Variants in CCDC152 observed in about 807,000 individuals in gnomAD.
CCDC152 encodes the protein coiled-coil domain containing 152.
In CCDC152, 37 loss-of-function variants were observed where a neutral mutation model predicts 38.1. The observed-to-expected ratio is 0.97, with a 90% CI of 0.75 to 1.28. The LOEUF (loss-of-function observed/expected upper bound fraction) is 1.28, where lower values mean the gene tolerates loss of function less well. Ranked by LOEUF, CCDC152 falls within the 50% of genes most tolerant of loss-of-function variation. CCDC152 has a pLI of 0.00. For missense variants in CCDC152, 259 were observed against 292.1 expected (o/e 0.89, Z 0.83); for synonymous variants, 83 against 87.1 (o/e 0.95, Z 0.26).
rs752846115 is a variant in CCDC152 at position 42,800,806 on chromosome 5, TTTGTCAGG to T, written c.*1026_*1033del. On this transcript the variant is annotated 3_prime_UTR_variant, in exon 9 of 9. Coordinates refer to ENST00000361970, the MANE Select transcript of CCDC152 (RefSeq NM_001134848.2). ...TCTGTGGGTATAAGCTGCTGACTTA[TTTGTCAGG>T]CAGCTGGAGGCAAACGTCACTGACA... 1.1e-5 allele frequency: 17 copies of T among 1,614,232 alleles called. No homozygotes were observed. The highest frequency in any genetic ancestry group is 1.4e-5 in the Non-Finnish European group (17 of 1,180,038).
chr5:42,767,096 A>G (rs1759634494), intron 3 of CCDC152, among the ~76,000 whole-genome samples: 1 of 152,118 alleles, frequency 6.6e-6, no homozygotes, highest in Admixed American at 6.5e-5. Flanking sequence ...TTCTAAATCT[A>G]ATGTCCTTTC....
In CCDC152 at chr5:42,762,463, A is replaced by T; in HGVS notation, c.108A>T (p.Gly36=). The change falls in exon 3 of 9, where the codon GGA becomes GGT. Residue 36 remains glycine (G), a synonymous_variant. Transcript: ENST00000361970. The stretch of plus-strand genomic sequence containing the variant: ...TACAGAAAATGGTAGAAACCAATGG[A>T]AAGAACAATATACTGGATATTCAGT... The part of the protein sequence containing the change: ...QIEKKMVETN[G]KNNILDIQLE... 1 of 1,516,754 alleles carries T rather than the reference A, an allele frequency of 6.6e-7. No individual in the cohort carries two copies. Among genetic ancestry groups the T allele is most frequent in the Non-Finnish European group, 8.9e-7 (1 of 1,118,078 alleles). The allele number at this position is 1,516,754 out of a possible 1,614,324, so 94.0% of individuals were successfully genotyped here. A position where few individuals can be genotyped will look rare whatever the true frequency, so the allele number is the denominator to read the frequency against.
At chr5:42,789,597 A>G (rs1223482353) in intron 6 of CCDC152, among the ~76,000 whole-genome samples, 1 of 152,214 alleles carries the variant, frequency 6.6e-6, no homozygotes, top group Non-Finnish European at 1.5e-5. Context: ...ACTTAATGTT[A>G]TCTAATGTGA....
At position 42,783,575 on chromosome 5, in the gene CCDC152, A is replaced by T; in HGVS notation, c.429A>T (p.Lys143Asn). The change falls in exon 6 of 9, where the codon AAA (lysine) becomes AAT (asparagine). Residue 143 changes from lysine (K) to asparagine (N), a missense_variant and splice_region_variant. Transcript: ENST00000361970. ...AACTTTATCAGGACATGCAGAGAAA[A>T]GGTAAGTTTAAAATAAACTTGCTTT... Reference protein sequence around the residue: ...ISKLYQDMQRKVELNEEKHKE... With the variant: ...ISKLYQDMQRNVELNEEKHKE... 7.4e-7 allele frequency: 1 copy of T among 1,345,710 alleles called. No homozygotes were observed. The highest frequency in any genetic ancestry group is 3.0e-5 in the East Asian group (1 of 33,076). The allele number at this position is 1,345,710 out of a possible 1,614,324, so 83.4% of individuals were successfully genotyped here.
intron 4 of CCDC152, among the ~76,000 whole-genome samples, chr5:42,779,098 A>G (rs188499238): frequency 1.3e-5 from 2 of 152,172 alleles, no homozygotes; most frequent in Non-Finnish European, 2.9e-5. Context: ...TAAGCCTATC[A>G]CTTAAATCTC....
At position 42,783,552 on chromosome 5, in the gene CCDC152, C is replaced by T; in HGVS notation, c.406C>T (p.Leu136Phe). ...GGGATATAAGAAAGAAATAAGCAAA[C>T]TTTATCAGGACATGCAGAGAAAAGG... is the stretch of plus-strand genomic sequence containing the variant. ...EEGYKKEISK[L>F]YQDMQRKVEL... The change falls in exon 6 of 9, where the codon CTT (leucine) becomes TTT (phenylalanine). Residue 136 changes from leucine (L) to phenylalanine (F), a missense_variant. By Grantham distance (22) the Leu-to-Phe change is conservative. Transcript: ENST00000361970. The T allele has an allele frequency of 7.2e-7, 1 of 1,388,456 alleles. No homozygotes were observed. The highest frequency in any genetic ancestry group is 9.4e-7 in the Non-Finnish European group (1 of 1,061,490). The allele number at this position is 1,388,456 out of a possible 1,614,324, so 86.0% of individuals were successfully genotyped here. A position where few individuals can be genotyped will look rare whatever the true frequency, so the allele number is the denominator to read the frequency against.
rs946707673 is a variant in CCDC152, at chr5:42,799,884, C to G, written c.*103C>G. 7.8e-7 allele frequency: 1 copy of G among 1,274,542 alleles called. No homozygotes were observed. Among genetic ancestry groups the G allele is most frequent in the African/African-American group, 1.5e-5 (1 of 65,872 alleles). 79.0% of individuals were successfully genotyped at this position (1,274,542 alleles called of 1,614,324 possible). A position where few individuals can be genotyped will look rare whatever the true frequency, so the allele number is the denominator to read the frequency against. On this transcript the variant is annotated 3_prime_UTR_variant, in exon 9 of 9. Coordinates refer to ENST00000361970, the MANE Select transcript of CCDC152 (RefSeq NM_001134848.2). ...CAGCCTACATAACAAACGAAGTCAG[C>G]TTTAAGGTTTTTATTGAATTTATTT... is the stretch of plus-strand genomic sequence containing the variant.
At chr5:42,776,397 T>A (rs1019524150) in intron 4 of CCDC152, among the ~76,000 whole-genome samples, 2 of 152,136 alleles carry the variant, frequency 1.3e-5, no homozygotes, top group African/African-American at 4.8e-5. Context: ...GACATAAAAT[T>A]GTTTTATTTA....
At chr5:42,781,319 C>T (rs768149129) in intron 5 of CCDC152, among the ~76,000 whole-genome samples, 19 of 152,010 alleles carry the variant, frequency 1.2e-4, no homozygotes, top group Non-Finnish European at 1.8e-4. Flanking sequence ...TAATTAGAAC[C>T]GAGAAGTTGA....
At chr5:42,791,007 CCT>C (rs1319263221) in intron 6 of CCDC152, among the ~76,000 whole-genome samples, 1 of 152,120 alleles carries the variant, frequency 6.6e-6, no homozygotes, top group Non-Finnish European at 1.5e-5. Context: ...TTCTTGTTGG[CCT>C]CTCTTCCTAA....
chr5:42,762,857 A>G (rs998834665), intron 3 of CCDC152, among the ~76,000 whole-genome samples: 7 of 152,204 alleles, frequency 4.6e-5, no homozygotes, highest in Non-Finnish European at 1.0e-4. Flanking sequence ...AACCATAGGG[A>G]AAAAAATTAA....
At chr5:42,779,359 G>T in intron 4 of CCDC152, 99 bp from the exon 5 acceptor site, 1 of 710,718 alleles carries the variant, frequency 1.4e-6, no homozygotes, top group Non-Finnish European at 2.5e-6. Flanking sequence ...ATGCATGTTT[G>T]TTGAATGCAT....
Position 42,799,212 on chromosome 5 carries a change from T to C in CCDC152, c.559-163T>C, listed in dbSNP as rs230815. On this transcript the variant is annotated intron_variant, in intron 7 of 8. Transcript: ENST00000361970. Reference sequence around the variant, plus strand: ...ATCTTGTTTTTCTGTTCTTTGCTCTTTCTGAAAAATTATTTCTTAAAGAAA... The same window carrying C: ...ATCTTGTTTTTCTGTTCTTTGCTCTCTCTGAAAAATTATTTCTTAAAGAAA... Among the ~76,000 whole-genome samples, 318 of 152,302 alleles carry C rather than the reference T, an allele frequency of 2.1e-3. 2 individuals carry two copies. Among genetic ancestry groups the C allele is most frequent in the African/African-American group, 7.2e-3 (301 of 41,582 alleles).
chr5:42,780,692 A>G (rs1759833234), intron 5 of CCDC152, among the ~76,000 whole-genome samples: 1 of 152,192 alleles, frequency 6.6e-6, no homozygotes, highest in Non-Finnish European at 1.5e-5. Flanking sequence ...GACAACGCAG[A>G]TTTGCTAATT....
At position 42,762,521 on chromosome 5, in the gene CCDC152, C is replaced by G. The variant is rs909911936; in HGVS notation, c.166C>G (p.Gln56Glu). 1 of 1,533,264 alleles carries G rather than the reference C, an allele frequency of 6.5e-7. No individual in the cohort carries two copies. The highest frequency in any genetic ancestry group is 8.8e-7 in the Non-Finnish European group (1 of 1,130,536). 95.0% of individuals were successfully genotyped at this position (1,533,264 alleles called of 1,614,324 possible). The part of the protein sequence containing the change: ...EKSNCLLKVM[Q>E]AKEVSIKEEC... Reference sequence around the variant, plus strand: ...AAGTAATTGCCTATTAAAAGTAATGCAAGCAAAGGAGGTCTCCATTAAAGA... The same window carrying G: ...AAGTAATTGCCTATTAAAAGTAATGGAAGCAAAGGAGGTCTCCATTAAAGA... The change falls in exon 3 of 9, where the codon CAA becomes GAA. Residue 56 changes from glutamine to glutamate, a missense_variant. Physicochemically the swap from Gln to Glu is conservative, Grantham distance 29 (BLOSUM62 2). Transcript: ENST00000361970.
chr5:42,799,868 TA>T lies in CCDC152; in HGVS notation c.*89del. 7.2e-7 allele frequency: 1 copy of T among 1,381,674 alleles called. No homozygotes were observed. Among genetic ancestry groups the T allele is most frequent in the Non-Finnish European group, 9.9e-7 (1 of 1,012,666 alleles). The allele number at this position is 1,381,674 out of a possible 1,614,324, so 85.6% of individuals were successfully genotyped here. A position where few individuals can be genotyped will look rare whatever the true frequency, so the allele number is the denominator to read the frequency against. On this transcript the variant is annotated 3_prime_UTR_variant, in exon 9 of 9. Transcript: ENST00000361970. ...TTTCAATATATGCATACAGCCTACATAACAAACGAAGTCAGCTTTAAGGTTT... is the reference window on the plus strand; with the variant it reads ...TTTCAATATATGCATACAGCCTACATACAAACGAAGTCAGCTTTAAGGTTT...
intron 6 of CCDC152, among the ~76,000 whole-genome samples, chr5:42,793,618 GT>G (rs1330122354): frequency 1.3e-5 from 2 of 151,902 alleles, no homozygotes; most frequent in African/African-American, 2.4e-5. Flanking sequence ...TTTTCTTTTT[GT>G]TTTTTTGGAG....
chr5:42,767,244 G>A (rs1444805398), intron 3 of CCDC152, among the ~76,000 whole-genome samples: 5 of 151,830 alleles, frequency 3.3e-5, no homozygotes, highest in Admixed American at 3.3e-4. Context: ...AATGATATAT[G>A]GACATTTTAT....
At chr5:42,782,872 A>T (rs899293048) in intron 5 of CCDC152, among the ~76,000 whole-genome samples, 1 of 151,946 alleles carries the variant, frequency 6.6e-6, no homozygotes, top group South Asian at 2.1e-4. Context: ...ATTAAAATTT[A>T]AATTTTTTTT....
Sources: allele counts gnomAD v4.1 joint callset (sites outside exome capture counted in the v4.1 genomes callset), GRCh38; gene constraint gnomAD v4.1.1; transcripts MANE v1.5; gene names NCBI Gene and HGNC (gene_info 2026-07-23, HGNC 2026-07-21).